The following COX16 variants were observed in gnomAD, a reference collection of about 807,000 sequenced individuals.
COX16 encodes the protein cytochrome c oxidase assembly protein COX16 homolog, mitochondrial.
COX16 carries 12 observed loss-of-function variants against 15.4 expected under a neutral mutation model. The observed-to-expected ratio is 0.78, with a 90% CI of 0.50 to 1.26. COX16 has a LOEUF of 1.26. Among genes scored for constraint, COX16 ranks in the 50% most tolerant of loss-of-function variants. The pLI, the probability that COX16 is intolerant of heterozygous loss-of-function variation, is 0.00. For missense variants in COX16, 124 were observed against 127.6 expected (o/e 0.97, Z 0.14); for synonymous variants, 46 against 41.1 (o/e 1.12, Z -0.46).
At chr14:70,357,518 G>T (rs1441817835) in intron 1 of COX16, among the ~76,000 whole-genome samples, 1 of 152,152 alleles carries the variant, frequency 6.6e-6, no homozygotes, top group East Asian at 1.9e-4. Context: ...CAGATTTGTT[G>T]GTTTTGGGTT....
intron 3 of COX16, among the ~76,000 whole-genome samples, chr14:70,328,784 G>A (rs72733760): frequency 1.1e-4 from 16 of 152,152 alleles, no homozygotes; most frequent in Non-Finnish European, 1.9e-4. Context: ...GATTTCTCAT[G>A]TAATCTGTGA....
intron 1 of COX16, among the ~76,000 whole-genome samples, chr14:70,354,867 T>G (rs1013309800): frequency 2.0e-5 from 3 of 150,562 alleles, no homozygotes; most frequent in Admixed American, 1.3e-4. Flanking sequence ...TGTGTGGTGT[T>G]TGAATTGCAC....
intron 1 of COX16, among the ~76,000 whole-genome samples, chr14:70,353,294 A>G (rs1887021065): frequency 6.7e-6 from 1 of 150,132 alleles, no homozygotes; most frequent in Non-Finnish European, 1.5e-5. Flanking sequence ...AAAAAATCTA[A>G]TTAGCTTTAA....
At chr14:70,334,142 T>TAG (rs1886374343) in intron 2 of COX16, among the ~76,000 whole-genome samples, 1 of 152,226 alleles carries the variant, frequency 6.6e-6, no homozygotes, top group Non-Finnish European at 1.5e-5. Flanking sequence ...ACTGCAATCA[T>TAG]GATGTTTAAA....
intron 1 of COX16, among the ~76,000 whole-genome samples, chr14:70,352,910 T>G (rs893758765): frequency 2.6e-5 from 4 of 152,182 alleles, no homozygotes; most frequent in African/African-American, 9.7e-5. Flanking sequence ...TCATGAAATT[T>G]ACCACACTTC....
At chr14:70,339,246 C>T (rs1315012589) in intron 2 of COX16, among the ~76,000 whole-genome samples, 1 of 152,128 alleles carries the variant, frequency 6.6e-6, no homozygotes, top group Admixed American at 6.5e-5. Context: ...TTAGAATCAG[C>T]ACTCATGAGA....
Position 70,326,295 on chromosome 14 carries a change from A to AT in COX16, c.*37dup, listed in dbSNP as rs1274298074. 2.8e-6 allele frequency: 4 copies of AT among 1,411,112 alleles called. No individual in the cohort carries two copies. The Admixed American group carries it at 9.1e-5, about 32-fold the overall frequency. The allele number at this position is 1,411,112 out of a possible 1,614,324, so 87.4% of individuals were successfully genotyped here. ...AGGAAGTCCAGTTAATAATATTTTT[A>AT]TTTAAAAAAAAAAAAAAGGAAAAAA... is the stretch of plus-strand genomic sequence containing the variant. On this transcript the variant is annotated 3_prime_UTR_variant, in exon 4 of 4. Coordinates refer to ENST00000389912, the MANE Select transcript of COX16 (RefSeq NM_016468.7).
At chr14:70,356,874 T>G (rs1159640852) in intron 1 of COX16, among the ~76,000 whole-genome samples, 1 of 151,970 alleles carries the variant, frequency 6.6e-6, no homozygotes, top group Non-Finnish European at 1.5e-5. Flanking sequence ...TGCCTGAATC[T>G]CAGGAAGAAC....
At chr14:70,354,760 G>T (rs1566606998) in intron 1 of COX16, among the ~76,000 whole-genome samples, 1 of 152,000 alleles carries the variant, frequency 6.6e-6, no homozygotes, top group Non-Finnish European at 1.5e-5. Flanking sequence ...GAACCTGAGG[G>T]GGTGGCTTAA....
chr14:70,330,565 A>C (rs1886251054), intron 2 of COX16, among the ~76,000 whole-genome samples: 1 of 152,234 alleles, frequency 6.6e-6, no homozygotes, highest in South Asian at 2.1e-4. Flanking sequence ...CAAATGCAGA[A>C]TTCTTAGTGT....
intron 2 of COX16, among the ~76,000 whole-genome samples, chr14:70,329,511 G>T (rs746445156): frequency 6.6e-6 from 1 of 152,016 alleles, no homozygotes; most frequent in African/African-American, 2.4e-5. Flanking sequence ...CATGAGATCT[G>T]TATTATATGT....
In COX16 at chr14:70,331,500, C is replaced by T. The variant is rs185380828; in HGVS notation, c.142-2264G>A. The stretch of plus-strand genomic sequence containing the variant: ...AAAAATGAATATACAAAATAGAATA[C>T]AAAAATGGCCAACAGACATATAAAA... On this transcript the variant is annotated intron_variant, in intron 2 of 3. Transcript: ENST00000389912. Among the ~76,000 whole-genome samples, 71 of 152,162 alleles carry T rather than the reference C, an allele frequency of 4.7e-4. No individual in the cohort carries two copies. The East Asian group carries it at 7.9e-3, about 17-fold the overall frequency.
At chr14:70,353,439 CATATATATACACACATATATAAATAT>C (rs1375019486) in intron 1 of COX16, among the ~76,000 whole-genome samples, 4 of 146,820 alleles carry the variant, frequency 2.7e-5, no homozygotes, top group Non-Finnish European at 6.0e-5. Flanking sequence ...CATATACACA[CATATATATACACACATATATAAATAT>C]ATATATATAC....
At position 70,329,221 on chromosome 14, in the gene COX16, C is replaced by T; in HGVS notation, c.157G>A (p.Glu53Lys). 1 of 1,590,442 alleles carries T rather than the reference C, an allele frequency of 6.3e-7. No homozygotes were observed. Among genetic ancestry groups the T allele is most frequent in the Non-Finnish European group, 8.6e-7 (1 of 1,165,902 alleles). Residue 53 changes from glutamate to lysine, a missense_variant, in exon 3 of 4, where the codon GAA becomes AAA. By Grantham distance (56) the Glu-to-Lys change is moderately conservative. Coordinates refer to ENST00000389912, the MANE Select transcript of COX16 (RefSeq NM_016468.7). The stretch of plus-strand genomic sequence containing the variant: ...ATTTTATTCTCTTTCAGTTTTTTTT[C>T]AAGCTCAGGATCCATCTGTAGAAAA... ...AVKSKMDPEL[E>K]KKLKENKISL...
chr14:70,351,023 G>A (rs1179346114), intron 1 of COX16, among the ~76,000 whole-genome samples: 1 of 152,150 alleles, frequency 6.6e-6, no homozygotes, highest in Non-Finnish European at 1.5e-5. Flanking sequence ...TTTAACAAAA[G>A]AAGAAAATAA....
Position 70,326,307 on chromosome 14 carries a change from AAAAAAG to A in COX16, c.*20_*25del. On this transcript the variant is annotated 3_prime_UTR_variant, in exon 4 of 4. Transcript: ENST00000389912. ...TAATAATATTTTTATTTAAAAAAAAAAAAAAGGAAAAAAGAATCAGCAGAGTCAAGT... is the reference window on the plus strand; with the variant it reads ...TAATAATATTTTTATTTAAAAAAAAAGAAAAAAGAATCAGCAGAGTCAAGT... 1 of 1,443,840 alleles carries A rather than the reference AAAAAAG, an allele frequency of 6.9e-7. No homozygotes were observed. The highest frequency in any genetic ancestry group is 3.0e-5 in the Admixed American group (1 of 33,518). The allele number at this position is 1,443,840 out of a possible 1,614,324, so 89.4% of individuals were successfully genotyped here.
intron 2 of COX16, among the ~76,000 whole-genome samples, chr14:70,335,604 A>T (rs1886427129): frequency 3.6e-5 from 1 of 27,686 alleles, no homozygotes; most frequent in African/African-American, 5.3e-4. Flanking sequence ...CCAAAGAGTT[A>T]AAAAAAAAAA....
chr14:70,345,831 G>C (rs1032988546), intron 1 of COX16, among the ~76,000 whole-genome samples: 1 of 151,670 alleles, frequency 6.6e-6, no homozygotes, highest in African/African-American at 2.4e-5. Flanking sequence ...TTTCTCGTTC[G>C]ATCCAACTGA....
intron 1 of COX16, among the ~76,000 whole-genome samples, chr14:70,350,379 A>C (rs1886915763): frequency 6.6e-6 from 1 of 152,166 alleles, no homozygotes; most frequent in South Asian, 2.1e-4. Context: ...TTTAGGCCTC[A>C]GCCCGCCTGC....
Sources: gnomAD v4.1 joint callset for allele counts (sites outside exome capture counted in the v4.1 genomes callset) on GRCh38, gnomAD v4.1.1 for gene constraint, MANE v1.5 for transcripts, NCBI Gene and HGNC (gene_info 2026-07-23, HGNC 2026-07-21) for gene names.